The following RANBP2 variants were observed in gnomAD, a reference collection of about 807,000 sequenced individuals.
RANBP2 encodes E3 SUMO-protein ligase RanBP2.
A neutral mutation model predicts 303.6 loss-of-function variants in RANBP2; 57 were observed. The observed-to-expected ratio is 0.19, with a 90% confidence interval of 0.15 to 0.23. The LOEUF is 0.23. Among genes scored for constraint, RANBP2 ranks in the 10% least tolerant of loss-of-function variants. The pLI is 1.00. For synonymous variants in RANBP2, 1,167 were observed against 1,301.5 expected (o/e 0.90, Z 2.23); for missense variants, 3,138 against 3,780.8 (o/e 0.83, Z 4.46).
chr2:109,598,528 A>C, the RANBP2 span, among the ~76,000 whole-genome samples: 6 of 152,294 alleles, frequency 3.9e-5, no homozygotes, highest in East Asian at 1.2e-3. Flanking sequence ...GAGAACAAAA[A>C]GCAAAAAGTG....
chr2:109,433,121 A>G, the RANBP2 span, among the ~76,000 whole-genome samples: 3 of 152,348 alleles, frequency 2.0e-5, no homozygotes, highest in Middle Eastern at 3.4e-3. Context: ...GCACGTGCGT[A>G]TGCATACTGT....
intron 1 of RANBP2, among the ~76,000 whole-genome samples, chr2:108,728,931 G>A (rs180739136): frequency 3.9e-5 from 6 of 152,010 alleles, no homozygotes; most frequent in East Asian, 1.9e-4. Context: ...GGCATGAGCC[G>A]CTGCACCCAG....
chr2:109,190,433 C>T, the RANBP2 span, among the ~76,000 whole-genome samples: 2 of 152,230 alleles, frequency 1.3e-5, no homozygotes. Flanking sequence ...CTCGGCCACC[C>T]AAAGTGCTGG....
At chr2:109,331,814 C>A in the RANBP2 span, among the ~76,000 whole-genome samples, 1 of 152,160 alleles carries the variant, frequency 6.6e-6, no homozygotes, top group East Asian at 1.9e-4. Flanking sequence ...TTAAAAGTCT[C>A]GTGTTCAGAT....
the RANBP2 span, among the ~76,000 whole-genome samples, chr2:109,601,903 A>G: frequency 2.6e-5 from 4 of 152,194 alleles, no homozygotes; most frequent in African/African-American, 9.6e-5. Flanking sequence ...CTACCGCAGC[A>G]TAAGAGGATT....
chr2:108,735,740 C>T lies in RANBP2; in HGVS notation c.614C>T (p.Ser205Leu), dbSNP rs770055012. ...TTGCGTTCAAGTTTAGAATGGAATT[C>T]GTGTGTTGTACAGACCCTTAAGGTA... is the stretch of plus-strand genomic sequence containing the variant. ...IALRSSLEWN[S>L]CVVQTLKEYL... is the part of the protein sequence containing the mutation. The change falls in exon 5 of 29, where the codon TCG becomes TTG. Residue 205 changes from serine (S) to leucine (L), a missense_variant. Coordinates refer to ENST00000283195, the MANE Select transcript of RANBP2 (RefSeq NM_006267.5). 6.3e-5 allele frequency: 100 copies of T among 1,597,386 alleles called. No individual in the cohort carries two copies. The highest frequency in any genetic ancestry group is 7.9e-5 in the Non-Finnish European group (93 of 1,179,778).
chr2:108,730,649 CG>C (rs1311780265), intron 2 of RANBP2, 124 bp from the exon 3 acceptor site: 1 of 1,307,746 alleles, frequency 7.6e-7, no homozygotes, highest in Non-Finnish European at 1.1e-6. Context: ...GTATGAATAG[CG>C]GTAGTTTTGA....
At chr2:109,217,615 C>T in the RANBP2 span, among the ~76,000 whole-genome samples, 2 of 152,238 alleles carry the variant, frequency 1.3e-5, no homozygotes, top group African/African-American at 4.8e-5. Context: ...CAGAATCAGT[C>T]CACCAGAATG....
the RANBP2 span, among the ~76,000 whole-genome samples, chr2:109,217,731 C>T: frequency 6.6e-6 from 1 of 152,154 alleles, no homozygotes; most frequent in Non-Finnish European, 1.5e-5. Context: ...TTGCCTAACA[C>T]CAAATAACTA....
At chr2:109,600,320 C>T in the RANBP2 span, among the ~76,000 whole-genome samples, 1 of 152,242 alleles carries the variant, frequency 6.6e-6, no homozygotes, top group Non-Finnish European at 1.5e-5. Flanking sequence ...ACCCCTGCCC[C>T]TCATCTCCAA....
chr2:109,548,083 A>G, the RANBP2 span, among the ~76,000 whole-genome samples: 2 of 152,086 alleles, frequency 1.3e-5, no homozygotes, highest in African/African-American at 4.8e-5. Flanking sequence ...ATGAGAGGAA[A>G]TACAGATGAA....
the RANBP2 span, among the ~76,000 whole-genome samples, chr2:109,251,194 G>A: frequency 6.6e-6 from 1 of 151,824 alleles, no homozygotes; most frequent in Admixed American, 6.6e-5. Flanking sequence ...GTAGAGATGG[G>A]GTTTCACCAT....
At chr2:108,728,308 T>C (rs1337619265) in intron 1 of RANBP2, among the ~76,000 whole-genome samples, 1 of 152,162 alleles carries the variant, frequency 6.6e-6, no homozygotes, top group African/African-American at 2.4e-5. Flanking sequence ...GTATTTATTA[T>C]TTAGAGAGAG....
At chr2:109,509,039 T>G in the RANBP2 span, among the ~76,000 whole-genome samples, 1 of 152,226 alleles carries the variant, frequency 6.6e-6, no homozygotes. Context: ...TACCCATTCC[T>G]GCCGGGAGAA....
At chr2:109,449,291 G>C in the RANBP2 span, 1 of 1,608,550 alleles carries the variant, frequency 6.2e-7, no homozygotes. Context: ...TGGTGTCCCC[G>C]CAGCACAGCC....
the RANBP2 span, among the ~76,000 whole-genome samples, chr2:108,871,322 C>G: frequency 2.9e-5 from 4 of 137,388 alleles, no homozygotes; most frequent in Admixed American, 8.1e-5. Flanking sequence ...CTCTTGAGGT[C>G]AGGAGTTCAA....
chr2:108,773,197 A>T, intron 23 of RANBP2, 151 bp downstream of exon 23: 2 of 790,242 alleles, frequency 2.5e-6, no homozygotes, highest in Admixed American at 2.3e-5. Flanking sequence ...GGCTCAATGC[A>T]GCCTTCATCT....
chr2:109,222,246 A>G, the RANBP2 span, among the ~76,000 whole-genome samples: 5 of 152,348 alleles, frequency 3.3e-5, no homozygotes, highest in Non-Finnish European at 7.4e-5. Context: ...GTATAAACAT[A>G]CAGTCAGAAG....
the RANBP2 span, among the ~76,000 whole-genome samples, chr2:109,668,794 C>A: frequency 6.6e-6 from 1 of 152,088 alleles, no homozygotes; most frequent in East Asian, 1.9e-4. Flanking sequence ...ATATTTGACA[C>A]TGGGAGATAC....
Sources: gnomAD v4.1 joint callset for allele counts (sites outside exome capture counted in the v4.1 genomes callset) on GRCh38, gnomAD v4.1.1 for gene constraint, MANE v1.5 for transcripts, NCBI Gene and HGNC (gene_info 2026-07-23, HGNC 2026-07-21) for gene names.